DST: variants seen among roughly 807,000 people sequenced by gnomAD.
DST encodes the protein dystonin, also known as bullous pemphigoid antigen.
A neutral mutation model predicts 875.2 loss-of-function variants in DST; 253 were observed. That is an observed-to-expected ratio of 0.29 (90% CI 0.26 to 0.32). The LOEUF (loss-of-function observed/expected upper bound fraction) is 0.32, where lower values mean the gene tolerates loss of function less well. Among genes scored for constraint, DST ranks in the 10% least tolerant of loss-of-function variants. The probability of loss-of-function intolerance (pLI) is 1.00; values close to 1 mark genes in which losing one functional copy is unlikely to be tolerated. For synonymous variants in DST, 3,124 were observed against 3,197.1 expected (o/e 0.98, Z 0.77); for missense variants, 8,287 against 9,111.6 (o/e 0.91, Z 3.68).
intron 92 of DST, among the ~76,000 whole-genome samples, chr6:56,475,629 A>G (rs1439873208): frequency 1.3e-5 from 2 of 152,208 alleles, no homozygotes; most frequent in Non-Finnish European, 2.9e-5. Context: ...CCTTTTTCAT[A>G]TGATGTATTT....
intron 5 of DST, among the ~76,000 whole-genome samples, chr6:56,721,026 CCT>C: frequency 3.3e-5 from 5 of 151,176 alleles, no homozygotes; most frequent in Non-Finnish European, 4.4e-5. Context: ...GGGGCAGCCC[CCT>C]CCGCCTCCCA....
intron 4 of DST, among the ~76,000 whole-genome samples, chr6:56,750,663 A>T (rs907573841): frequency 6.6e-6 from 1 of 152,242 alleles, no homozygotes; most frequent in Admixed American, 6.5e-5. Flanking sequence ...TAAGAAGTAG[A>T]TAAATTATCT....
chr6:56,565,454 C>T (rs755375561), intron 55 of DST, among the ~76,000 whole-genome samples: 8 of 152,192 alleles, frequency 5.3e-5, no homozygotes, highest in South Asian at 2.1e-4. Flanking sequence ...GGAATAGTTT[C>T]GGAAGGAATG....
rs2094746730 is a variant in DST, at chr6:56,469,145, A to G, written c.22552-146T>C. 1.1e-5 allele frequency: 5 copies of G among 461,232 alleles called. No homozygotes were observed. The East Asian group carries it at 1.7e-4, about 16-fold the overall frequency. The allele number at this position is 461,232 out of a possible 1,614,324, so 28.6% of individuals were successfully genotyped here. On this transcript the variant is annotated intron_variant, in intron 97 of 103. Coordinates refer to ENST00000680361, the MANE Select transcript of DST (RefSeq NM_001374736.1). ...GATGTGCAGGCACCCAGTTGTCCCA[A>G]TTTCAAACCAAATAATCAGACTATT... is the stretch of plus-strand genomic sequence containing the variant.
chr6:56,881,441 C>G (rs973530416), intron 3 of DST, among the ~76,000 whole-genome samples: 4 of 152,054 alleles, frequency 2.6e-5, no homozygotes, highest in Admixed American at 2.6e-4. Context: ...CCATTACACT[C>G]CGGCCTGGGT....
chr6:56,487,215 C>A lies in DST; in HGVS notation c.20936G>T (p.Gly6979Val), dbSNP rs1228077424. 1 of 1,613,550 alleles carries A rather than the reference C, an allele frequency of 6.2e-7. No individual in the cohort carries two copies. The highest frequency in any genetic ancestry group is 1.1e-5 in the South Asian group (1 of 90,972). Residue 6979 changes from glycine to valine, a missense_variant, in exon 87 of 104, where the codon GGA becomes GTA. Coordinates refer to ENST00000680361, the MANE Select transcript of DST (RefSeq NM_001374736.1). ...GGAGGTTTTCTCCTTCAGAGAACGT[C>A]CAGTCCTGTTGGTGGTGTCGTAGAC... ...HSVYDTTNRT[G>V]RSLKEKTSLA...
intron 4 of DST, among the ~76,000 whole-genome samples, chr6:56,739,752 G>A (rs1677225231): frequency 6.6e-6 from 1 of 152,114 alleles, no homozygotes; most frequent in South Asian, 2.1e-4. Context: ...ATTCCCACCA[G>A]CGCCATGACA....
rs973528949 is a variant in DST at position 56,936,835 on chromosome 6, T to C, written c.216+16950A>G. 1.3e-5 allele frequency among the ~76,000 whole-genome samples: 2 copies of C among 151,898 alleles called. 1 individual carries two copies. The highest frequency in any genetic ancestry group is 3.9e-4 in the East Asian group (2 of 5,184). On this transcript the variant is annotated intron_variant, in intron 2 of 103. Coordinates refer to ENST00000680361, the MANE Select transcript of DST (RefSeq NM_001374736.1). ...GATAACTTAGATGAAATGAACCATT[T>C]AGAAAGGCAAAAATTACCAAAGTGA...
intron 61 of DST, among the ~76,000 whole-genome samples, chr6:56,537,374 G>A (rs1296880789): frequency 6.6e-6 from 1 of 152,204 alleles, no homozygotes; most frequent in Admixed American, 6.5e-5. Flanking sequence ...GCTCTCCTAA[G>A]AATGGCTGCT....
intron 4 of DST, chr6:56,843,863 G>C: frequency 4.6e-6 from 1 of 217,144 alleles, no homozygotes; most frequent in Non-Finnish European, 7.9e-6. Context: ...AGAGCCACGC[G>C]CCCCAGGCCC....
At chr6:56,765,792 A>T (rs1280645883) in intron 4 of DST, among the ~76,000 whole-genome samples, 1 of 152,216 alleles carries the variant, frequency 6.6e-6, no homozygotes, top group African/African-American at 2.4e-5. Context: ...CCTGACAACT[A>T]TCAGGAATGG....
chr6:56,943,887 T>C (rs1481903330), intron 2 of DST, among the ~76,000 whole-genome samples: 1 of 151,820 alleles, frequency 6.6e-6, no homozygotes, highest in East Asian at 1.9e-4. Context: ...GAGACCAAAG[T>C]GGGTGGATCA....
At position 56,555,767 on chromosome 6, in the gene DST, C is replaced by G. The variant is rs1485667693; in HGVS notation, c.14714G>C (p.Ser4905Thr). ...QLTAAGQGIL[S>T]RPGEDPSLRG... ...TAAAGAAGGGTCTTCTCCAGGCCTG[C>G]TCAGAATGCCCTGACCAGCTGCTGT... Residue 4905 changes from serine (S) to threonine (T), a missense_variant, in exon 60 of 104, where the codon AGC (serine) becomes ACC (threonine). Ser to Thr is a moderately conservative substitution (Grantham distance 58). Coordinates refer to ENST00000680361, the MANE Select transcript of DST (RefSeq NM_001374736.1). 6.3e-7 allele frequency: 1 copy of G among 1,588,736 alleles called. No individual in the cohort carries two copies. Among genetic ancestry groups the G allele is most frequent in the Non-Finnish European group, 8.6e-7 (1 of 1,162,734 alleles).
chr6:56,613,457 G>A (rs753736314), intron 37 of DST, among the ~76,000 whole-genome samples: 48 of 152,308 alleles, frequency 3.2e-4, no homozygotes, highest in South Asian at 6.2e-4. Context: ...TGTCAACAAT[G>A]TCTATTTTAA....
At chr6:56,577,283 A>G (rs2097885350) in intron 50 of DST, among the ~76,000 whole-genome samples, 1 of 152,194 alleles carries the variant, frequency 6.6e-6, no homozygotes, top group Non-Finnish European at 1.5e-5. Flanking sequence ...TACAAATAAG[A>G]TAGTCTTTCT....
At chr6:56,720,126 C>A (rs1336004495) in intron 5 of DST, among the ~76,000 whole-genome samples, 1 of 152,130 alleles carries the variant, frequency 6.6e-6, no homozygotes, top group Non-Finnish European at 1.5e-5. Flanking sequence ...CCTACAGTTT[C>A]GACCATAGAA....
chr6:56,512,510 A>C (rs2096496689), intron 72 of DST, among the ~76,000 whole-genome samples: 1 of 152,196 alleles, frequency 6.6e-6, no homozygotes, highest in African/African-American at 2.4e-5. Flanking sequence ...CCTCATCAGC[A>C]GCTCTTTGTC....
intron 4 of DST, among the ~76,000 whole-genome samples, chr6:56,805,749 T>C (rs969642481): frequency 6.6e-6 from 1 of 152,198 alleles, no homozygotes; most frequent in Non-Finnish European, 1.5e-5. Flanking sequence ...AGGAAACTGA[T>C]ACACAGATGG....
intron 10 of DST, among the ~76,000 whole-genome samples, chr6:56,659,778 G>C (rs2099029336): frequency 1.3e-5 from 2 of 152,088 alleles, no homozygotes; most frequent in African/African-American, 4.8e-5. Flanking sequence ...TAACAGAAGA[G>C]GCTGCAACAT....
Sources: gnomAD v4.1 joint callset for allele counts (sites outside exome capture counted in the v4.1 genomes callset) on GRCh38, gnomAD v4.1.1 for gene constraint, MANE v1.5 for transcripts, NCBI Gene and HGNC (gene_info 2026-07-23, HGNC 2026-07-21) for gene names.